Variants in PLPPR3 observed in about 807,000 individuals in gnomAD.
PLPPR3 encodes phospholipid phosphatase-related protein type 3.
PLPPR3 carries 14 observed loss-of-function variants against 27.3 expected under a neutral mutation model. The observed-to-expected ratio is 0.51, with a 90% confidence interval of 0.34 to 0.80. PLPPR3 has a LOEUF of 0.80. Ranked by LOEUF, PLPPR3 falls within the 30% of genes least tolerant of loss-of-function variation. PLPPR3 has a pLI of 0.01. For synonymous variants in PLPPR3, 671 were observed against 508.0 expected (o/e 1.32, Z -4.32); for missense variants, 1,287 against 1,056.9 (o/e 1.22, Z -3.02).
intron 2 of PLPPR3, among the ~76,000 whole-genome samples, chr19:816,842 CATCT>C (rs1451141020): frequency 2.0e-5 from 3 of 151,206 alleles, no homozygotes; most frequent in African/African-American, 7.3e-5. Flanking sequence ...GCCATTCATT[CATCT>C]ATCCATTCAT....
rs1194654568 is a variant in PLPPR3 at position 812,561 on chromosome 19, CCCGCCGCGCTAGTCGGGGAA to C, written c.2146_*8del. On this transcript the variant is annotated stop_lost and 3_prime_UTR_variant, in exon 8 of 8. Transcript: ENST00000520876. ...GGCCCGCCCCCCGCCCGCCCCCGGC[CCCGCCGCGCTAGTCGGGGAA>C]GCGGCGCGCCTGCATCTTGCGGAAG... 9.9e-7 allele frequency: 1 copy of C among 1,006,560 alleles called. No homozygotes were observed. Among genetic ancestry groups the C allele is most frequent in the African/African-American group, 1.8e-5 (1 of 56,834 alleles). 62.4% of individuals were successfully genotyped at this position (1,006,560 alleles called of 1,614,324 possible).
rs1356349818 is a variant in PLPPR3 at position 816,474 on chromosome 19, CCATT to C, written c.76-627_76-624del. On this transcript the variant is annotated intron_variant, in intron 2 of 7. Transcript: ENST00000520876. ...CCCATCCATCCAACCGTCCATCCATCCATTCATTACCCAGCCATTCATTCACCCA... is the reference window on the plus strand; with the variant it reads ...CCCATCCATCCAACCGTCCATCCATCCATTACCCAGCCATTCATTCACCCA... 5.6e-4 allele frequency among the ~76,000 whole-genome samples: 84 copies of C among 149,188 alleles called. No individual in the cohort carries two copies. In the South Asian group the frequency reaches 0.018, roughly 31 times the overall value.
chr19:814,786 G>C (rs754868278), intron 5 of PLPPR3, 37 bp from the exon 6 acceptor site: 1 of 1,558,570 alleles, frequency 6.4e-7, no homozygotes, highest in Non-Finnish European at 8.6e-7. Context: ...CGCCCACCTG[G>C]GGACCCCAGC....
Position 813,166 on chromosome 19 carries a change from T to C in PLPPR3, c.1561A>G (p.Met521Val). 1 of 1,521,178 alleles carries C rather than the reference T, an allele frequency of 6.6e-7. No individual in the cohort carries two copies. Among genetic ancestry groups the C allele is most frequent in the Non-Finnish European group, 8.7e-7 (1 of 1,145,094 alleles). 94.2% of individuals were successfully genotyped at this position (1,521,178 alleles called of 1,614,324 possible). The change falls in exon 8 of 8, where the codon ATG becomes GTG. Residue 521 changes from methionine (M) to valine (V), a missense_variant. Coordinates refer to ENST00000520876, the MANE Select transcript of PLPPR3 (RefSeq NM_001270366.2). The surrounding 1 kb of genome is among the most constrained non-coding windows in gnomAD (Gnocchi z 4.1). ...SGAGVRAKWL[M>V]MAEKSGAAVA... ...GCCGCCCCGCTCTTCTCGGCCATCA[T>C]GAGCCACTTGGCGCGCACCCCGGCG...
chr19:815,815 A>G lies in PLPPR3; in HGVS notation c.112T>C (p.Phe38Leu), dbSNP rs1264051879. ...TTGAAGAGGTCGGTCAGCTCCAGGA[A>G]GTACAAGGATACGATGGAAGAAGCC... ...IVASSIVSLY[F>L]LELTDLFKPA... The change falls in exon 3 of 8, where the codon TTC (phenylalanine) becomes CTC (leucine). Residue 38 changes from phenylalanine to leucine, a missense_variant. Coordinates refer to ENST00000520876, the MANE Select transcript of PLPPR3 (RefSeq NM_001270366.2). 1 of 1,612,774 alleles carries G rather than the reference A, an allele frequency of 6.2e-7. No homozygotes were observed. Among genetic ancestry groups the G allele is most frequent in the East Asian group, 2.2e-5 (1 of 44,880 alleles).
Position 815,429 on chromosome 19 carries a change from G to A in PLPPR3, c.262-102C>T. ...CCCACAGGCTGGCACAGGCCCCGGT[G>A]TGGATGTTCACCGAGGTGGCGGGGG... On this transcript the variant is annotated intron_variant, in intron 3 of 7. Transcript: ENST00000520876. 13 of 1,327,364 alleles carry A rather than the reference G, an allele frequency of 9.8e-6. 1 individual carries two copies. Among genetic ancestry groups the A allele is most frequent in the South Asian group, 3.0e-5 (2 of 67,646 alleles). The allele number at this position is 1,327,364 out of a possible 1,614,324, so 82.2% of individuals were successfully genotyped here. A position where few individuals can be genotyped will look rare whatever the true frequency, so the allele number is the denominator to read the frequency against.
At chr19:817,721 G>C (rs1229312983) in intron 2 of PLPPR3, among the ~76,000 whole-genome samples, 2 of 152,228 alleles carry the variant, frequency 1.3e-5, no homozygotes, top group Non-Finnish European at 2.9e-5. Context: ...ATTGGATCGA[G>C]GGAGCTGAGT....
intron 2 of PLPPR3, among the ~76,000 whole-genome samples, chr19:820,957 A>T (rs544102051): frequency 2.6e-4 from 40 of 152,280 alleles, no homozygotes; most frequent in Admixed American, 4.6e-4. Flanking sequence ...GCACAGGGCA[A>T]GGGGTTCCAT....
intron 3 of PLPPR3, 47 bp from the exon 4 acceptor site, chr19:815,374 G>T: frequency 6.7e-7 from 1 of 1,498,326 alleles, no homozygotes; most frequent in Non-Finnish European, 8.9e-7. Context: ...CACAGGGAGG[G>T]GGCGCTCAGG....
Position 813,342 on chromosome 19 carries a change from CCCTCGTCCTCCT to C in PLPPR3, c.1373_1384del (p.Glu458_Glu461del), listed in dbSNP as rs771444498. ...GGGGTAGAGCGAGGGCGGGGCCGGG[CCCTCGTCCTCCT>C]CCTCTTCCTCCTCCTCCTCTTCCTC... On this transcript the variant is annotated inframe_deletion, in exon 8 of 8. Transcript: ENST00000520876. This position sits in a 1 kb window ranked among gnomAD's most constrained non-coding sequence, Gnocchi z 4.1. The C allele has an allele frequency of 3.4e-4, 497 of 1,473,802 alleles. No homozygotes were observed. Among genetic ancestry groups the C allele is most frequent in the Non-Finnish European group, 4.2e-4 (476 of 1,121,592 alleles). 91.3% of individuals were successfully genotyped at this position (1,473,802 alleles called of 1,614,324 possible).
chr19:816,535 C>T (rs374572881), intron 2 of PLPPR3, among the ~76,000 whole-genome samples: 78 of 60,904 alleles, frequency 1.3e-3, no homozygotes, highest in Middle Eastern at 6.5e-3. Flanking sequence ...CACCCATGCC[C>T]CCAGTGGTAC....
At chr19:821,882 T>G in intron 1 of PLPPR3, 33 bp downstream of exon 1, 1 of 208,990 alleles carries the variant, frequency 4.8e-6, no homozygotes, top group Non-Finnish European at 9.4e-6. Context: ...CGGAGGAGAC[T>G]GGGTCCGCGC....
At chr19:815,364 C>A in intron 3 of PLPPR3, 37 bp from the exon 4 acceptor site, 1 of 1,509,510 alleles carries the variant, frequency 6.6e-7, no homozygotes, top group Non-Finnish European at 8.8e-7. Context: ...CCTCGGTGCC[C>A]ACAGGGAGGG....
chr19:812,519 C>G lies in PLPPR3; in HGVS notation c.*51G>C. 1.0e-6 allele frequency: 1 copy of G among 988,890 alleles called. No individual in the cohort carries two copies. The highest frequency in any genetic ancestry group is 4.5e-5 in the South Asian group (1 of 22,112). The allele number at this position is 988,890 out of a possible 1,614,324, so 61.3% of individuals were successfully genotyped here. A position where few individuals can be genotyped will look rare whatever the true frequency, so the allele number is the denominator to read the frequency against. The stretch of plus-strand genomic sequence containing the variant: ...TCTGCCGCTTTATTGAGCATCCGCG[C>G]GGCCGCCCGCGCCCTCGGCCCGCCC... On this transcript the variant is annotated 3_prime_UTR_variant, in exon 8 of 8. Coordinates refer to ENST00000520876, the MANE Select transcript of PLPPR3 (RefSeq NM_001270366.2).
Position 815,238 on chromosome 19 carries a change from G to C in PLPPR3, c.351C>G (p.Asn117Lys). ...AGGAGTTGAAGTTGCAGCCGCCGGC[G>C]TTGATGCTGCCCTCCGCCCCGGCGG... ...GGPAGAEGSI[N>K]AGGCNFNSFL... Residue 117 changes from asparagine to lysine, a missense_variant, in exon 4 of 8, where the codon AAC becomes AAG. Asn to Lys is a moderately conservative substitution (Grantham distance 94, BLOSUM62 0). Coordinates refer to ENST00000520876, the MANE Select transcript of PLPPR3 (RefSeq NM_001270366.2). 2 of 1,588,498 alleles carry C rather than the reference G, an allele frequency of 1.3e-6. No homozygotes were observed. Among genetic ancestry groups the C allele is most frequent in the Non-Finnish European group, 1.7e-6 (2 of 1,170,484 alleles).
intron 2 of PLPPR3, among the ~76,000 whole-genome samples, chr19:819,390 C>G (rs1599263124): frequency 6.6e-6 from 1 of 150,878 alleles, no homozygotes; most frequent in East Asian, 1.9e-4. Context: ...AAGCGATTCT[C>G]CTGCCTCAGC....
intron 4 of PLPPR3, 48 bp downstream of exon 4, chr19:815,138 C>T (rs367703805): frequency 1.2e-6 from 2 of 1,600,752 alleles, no homozygotes; most frequent in East Asian, 2.2e-5. Context: ...CAGCCCCACC[C>T]CCTGCATGTG....
chr19:813,259 GC>G lies in PLPPR3; in HGVS notation c.1467del (p.Pro490ArgfsTer32). ...GPRVILPPRA[G>X]PPPLVHIPEE... is the part of the protein sequence containing the mutation. ...TCCGGGATGTGCACCAGCGGCGGCG[GC>G]CCCGCGCGCGGTGGGAGGATGACCC... On this transcript the variant is annotated frameshift_variant, in exon 8 of 8. Coordinates refer to ENST00000520876, the MANE Select transcript of PLPPR3 (RefSeq NM_001270366.2). LOFTEE classifies it low-confidence loss of function (END_TRUNC). The surrounding 1 kb of genome is among the most constrained non-coding windows in gnomAD (Gnocchi z 4.1). 3 of 1,471,040 alleles carry G rather than the reference GC, an allele frequency of 2.0e-6. No individual in the cohort carries two copies. Among genetic ancestry groups the G allele is most frequent in the South Asian group, 1.3e-5 (1 of 77,040 alleles). The allele number at this position is 1,471,040 out of a possible 1,614,324, so 91.1% of individuals were successfully genotyped here.
At chr19:818,440 C>T (rs571757529) in intron 2 of PLPPR3, among the ~76,000 whole-genome samples, 1 of 152,140 alleles carries the variant, frequency 6.6e-6, no homozygotes, top group East Asian at 1.9e-4. Context: ...GTGGCTCACA[C>T]CTGTAATTCC....
Sources: allele counts gnomAD v4.1 joint callset (sites outside exome capture counted in the v4.1 genomes callset), GRCh38; gene constraint gnomAD v4.1.1; non-coding constraint Gnocchi (gnomAD v3.1); transcripts MANE v1.5; gene names NCBI Gene and HGNC (gene_info 2026-07-23, HGNC 2026-07-21).